R3HDM2: variants seen among roughly 807,000 people sequenced by gnomAD.
The protein encoded by R3HDM2 is R3H domain-containing protein 2.
In R3HDM2, 38 loss-of-function variants were observed where a neutral mutation model predicts 124.5. The observed-to-expected ratio is 0.31, with a 90% CI of 0.24 to 0.40. R3HDM2 has a LOEUF of 0.40. R3HDM2 is among the 10% of genes least tolerant of loss of function. The pLI, the probability that R3HDM2 is intolerant of heterozygous loss-of-function variation, is 1.00. For synonymous variants in R3HDM2, 391 were observed against 448.0 expected, an observed-to-expected ratio of 0.87 and a Z score of 1.61; for missense variants, 869 against 1,236.9, an observed-to-expected ratio of 0.70 and a Z score of 4.46.
At chr12:57,421,993 T>A (rs1862568198) in intron 1 of R3HDM2, among the ~76,000 whole-genome samples, 1 of 149,018 alleles carries the variant, frequency 6.7e-6, no homozygotes. Flanking sequence ...CTACTCAGGA[T>A]GAGGCAGGAG....
intron 2 of R3HDM2, among the ~76,000 whole-genome samples, chr12:57,357,418 C>T (rs998956746): frequency 1.3e-5 from 2 of 151,064 alleles, no homozygotes; most frequent in Non-Finnish European, 2.9e-5. Context: ...GCCAAGATCG[C>T]GCCATTGCAC....
chr12:57,257,723 C>T (rs1408556648), intron 21 of R3HDM2, among the ~76,000 whole-genome samples: 2 of 152,198 alleles, frequency 1.3e-5, no homozygotes, highest in Non-Finnish European at 2.9e-5. Flanking sequence ...TTAGAAAGTT[C>T]AGTGAACTTA....
At chr12:57,266,230 G>A (rs563242955) in intron 19 of R3HDM2, among the ~76,000 whole-genome samples, 3 of 151,184 alleles carry the variant, frequency 2.0e-5, no homozygotes, top group South Asian at 2.1e-4. Context: ...CTAAGTAGCC[G>A]GATGACAAGT....
intron 1 of R3HDM2, among the ~76,000 whole-genome samples, chr12:57,420,998 A>G (rs2070131532): frequency 6.6e-6 from 1 of 151,814 alleles, no homozygotes; most frequent in African/African-American, 2.4e-5. Context: ...GCATCTTCCT[A>G]TATTCCCTAA....
chr12:57,280,884 T>A (rs2045947816), intron 13 of R3HDM2, among the ~76,000 whole-genome samples: 1 of 152,194 alleles, frequency 6.6e-6, no homozygotes, highest in Non-Finnish European at 1.5e-5. Flanking sequence ...GCTTACTTCC[T>A]GGGAAGGCAC....
In R3HDM2 at chr12:57,407,940, T is replaced by C. The variant is rs571229259; in HGVS notation, c.-105-12122A>G. Among the ~76,000 whole-genome samples, 35 of 151,764 alleles carry C rather than the reference T, an allele frequency of 2.3e-4. 1 individual carries two copies. The highest frequency in any genetic ancestry group is 8.8e-5 in the Non-Finnish European group (6 of 67,948). On this transcript the variant is annotated intron_variant, in intron 1 of 23. Coordinates refer to ENST00000402412, the MANE Select transcript of R3HDM2 (RefSeq NM_001394031.1). Reference sequence around the variant, plus strand: ...GCCACCACATCCAGCTAATTTTTTGTTTTTCTGATGGTGGAGTCTCACTCT... The same window carrying C: ...GCCACCACATCCAGCTAATTTTTTGCTTTTCTGATGGTGGAGTCTCACTCT...
chr12:57,281,042 C>T (rs370015185), intron 13 of R3HDM2, among the ~76,000 whole-genome samples: 4 of 151,946 alleles, frequency 2.6e-5, no homozygotes, highest in African/African-American at 7.3e-5. Context: ...CAGCACTTTG[C>T]GAGGCTGAGG....
intron 1 of R3HDM2, among the ~76,000 whole-genome samples, chr12:57,412,552 T>A (rs1261780783): frequency 2.0e-5 from 3 of 150,738 alleles, no homozygotes; most frequent in African/African-American, 7.3e-5. Flanking sequence ...AAAGAAAAAA[T>A]TAAAACAAAC....
intron 2 of R3HDM2, among the ~76,000 whole-genome samples, chr12:57,311,663 G>A (rs558905858): frequency 3.9e-4 from 60 of 152,154 alleles, no homozygotes; most frequent in African/African-American, 1.4e-3. Flanking sequence ...GTGAGCCATC[G>A]CACCCAGCCT....
At chr12:57,413,690 C>T (rs924408051) in intron 1 of R3HDM2, among the ~76,000 whole-genome samples, 7 of 151,368 alleles carry the variant, frequency 4.6e-5, no homozygotes, top group Non-Finnish European at 7.4e-5. Context: ...GAGCCGAGAT[C>T]GCACCACTGT....
At chr12:57,342,517 G>C (rs181794997) in intron 2 of R3HDM2, among the ~76,000 whole-genome samples, 11 of 136,318 alleles carry the variant, frequency 8.1e-5, no homozygotes, top group Non-Finnish European at 1.8e-4. Context: ...CACACACACA[G>C]AGGCTGTAAG....
chr12:57,387,227 T>G (rs999305502), intron 2 of R3HDM2, among the ~76,000 whole-genome samples: 1 of 152,090 alleles, frequency 6.6e-6, no homozygotes, highest in Non-Finnish European at 1.5e-5. Flanking sequence ...GTTCTTTCGC[T>G]CTTTGCAATA....
chr12:57,366,883 G>A (rs573370053), intron 2 of R3HDM2, among the ~76,000 whole-genome samples: 2 of 152,094 alleles, frequency 1.3e-5, no homozygotes, highest in African/African-American at 4.8e-5. Context: ...GTAGAGACAG[G>A]GTTTCACTGT....
chr12:57,273,478 G>T (rs10783819), intron 14 of R3HDM2, among the ~76,000 whole-genome samples: 3 of 151,966 alleles, frequency 2.0e-5, no homozygotes, highest in Non-Finnish European at 4.4e-5. Flanking sequence ...GGCAAGGAAG[G>T]GGGGAAAATA....
chr12:57,317,209 T>C (rs1256959388), intron 2 of R3HDM2, among the ~76,000 whole-genome samples: 1 of 151,614 alleles, frequency 6.6e-6, no homozygotes, highest in African/African-American at 2.4e-5. Flanking sequence ...TTTGTTTTTT[T>C]GTTTTTTTTT....
At chr12:57,392,126 C>G (rs1225850496) in intron 2 of R3HDM2, among the ~76,000 whole-genome samples, 1 of 152,104 alleles carries the variant, frequency 6.6e-6, no homozygotes, top group Non-Finnish European at 1.5e-5. Context: ...TCGTGCAACT[C>G]CTATGCTCAA....
chr12:57,367,173 T>C (rs1443624015), intron 2 of R3HDM2, among the ~76,000 whole-genome samples: 1 of 152,168 alleles, frequency 6.6e-6, no homozygotes, highest in Non-Finnish European at 1.5e-5. Context: ...CTCTGGTTAG[T>C]AGAAACAAAA....
chr12:57,256,540 G>A, intron 21 of R3HDM2, 29 bp from the exon 22 acceptor site: 1 of 1,496,502 alleles, frequency 6.7e-7, no homozygotes, highest in Non-Finnish European at 9.1e-7. Context: ...TGGTTTTCTG[G>A]GAGCTTAAGC....
At chr12:57,266,657 G>T in intron 19 of R3HDM2, 74 bp downstream of exon 19, 2 of 1,235,200 alleles carry the variant, frequency 1.6e-6, no homozygotes, top group Non-Finnish European at 2.3e-6. Context: ...GCCCTTCCCA[G>T]CTCTAGAGCA....
Sources: allele counts gnomAD v4.1 joint callset (sites outside exome capture counted in the v4.1 genomes callset), GRCh38; gene constraint gnomAD v4.1.1; transcripts MANE v1.5; gene names NCBI Gene and HGNC (gene_info 2026-07-23, HGNC 2026-07-21).